Variants in CADM1 observed in about 807,000 individuals in gnomAD.
CADM1 encodes cell adhesion molecule 1.
CADM1 carries 15 observed loss-of-function variants against 53.1 expected under a neutral mutation model. That is an observed-to-expected ratio of 0.28 (90% confidence interval 0.19 to 0.44). The LOEUF is 0.44. CADM1 is among the 20% of genes least tolerant of loss of function. CADM1 has a pLI of 1.00. For synonymous variants in CADM1, 281 were observed against 243.0 expected, an observed-to-expected ratio of 1.16 and a Z score of -1.45; for missense variants, 434 against 611.3, an observed-to-expected ratio of 0.71 and a Z score of 3.06.
intron 4 of CADM1, among the ~76,000 whole-genome samples, chr11:115,229,620 G>A (rs911976754): frequency 6.6e-6 from 1 of 152,090 alleles, no homozygotes; most frequent in African/African-American, 2.4e-5. Context: ...AGGTATTCAG[G>A]AGGAGAAAAA....
intron 1 of CADM1, among the ~76,000 whole-genome samples, chr11:115,248,842 GT>G (rs1324223652): frequency 2.0e-5 from 3 of 152,188 alleles, no homozygotes; most frequent in African/African-American, 7.2e-5. Context: ...TCATTTGTTT[GT>G]GAGATGGCAT....
chr11:115,209,742 T>C, intron 7 of CADM1, 85 bp from the exon 8 acceptor site: 1 of 1,516,988 alleles, frequency 6.6e-7, no homozygotes, highest in Non-Finnish European at 9.0e-7. Context: ...CATGAGGACA[T>C]TGAGATGTTT....
intron 1 of CADM1, among the ~76,000 whole-genome samples, chr11:115,415,977 C>T (rs886513970): frequency 4.9e-4 from 75 of 152,136 alleles, no homozygotes; most frequent in African/African-American, 1.7e-3. Context: ...GTGCATCCTA[C>T]TCCTTTTGTG....
At chr11:115,304,167 T>C (rs1435293679) in intron 1 of CADM1, among the ~76,000 whole-genome samples, 1 of 152,076 alleles carries the variant, frequency 6.6e-6, no homozygotes, top group Non-Finnish European at 1.5e-5. Flanking sequence ...GAGTCTCAGA[T>C]TTTAAAAAAT....
chr11:115,474,570 C>T (rs1314768274), intron 1 of CADM1, among the ~76,000 whole-genome samples: 2 of 151,424 alleles, frequency 1.3e-5, no homozygotes, highest in Non-Finnish European at 2.9e-5. Context: ...AAGCTGGAAA[C>T]CATCATTCTC....
At chr11:115,200,284 C>T (rs1299455466) in intron 8 of CADM1, among the ~76,000 whole-genome samples, 1 of 152,196 alleles carries the variant, frequency 6.6e-6, no homozygotes, top group Non-Finnish European at 1.5e-5. Flanking sequence ...TCTCCTGACA[C>T]AGATGACACA....
chr11:115,340,642 A>ATG (rs1945408417), intron 1 of CADM1, among the ~76,000 whole-genome samples: 1 of 31,384 alleles, frequency 3.2e-5, no homozygotes, highest in Non-Finnish European at 7.3e-5. Context: ...ATATATATAT[A>ATG]TATATATATA....
chr11:115,412,588 C>T (rs577944826), intron 1 of CADM1, among the ~76,000 whole-genome samples: 2 of 152,272 alleles, frequency 1.3e-5, no homozygotes, highest in African/African-American at 4.8e-5. Flanking sequence ...AAATAAGGAA[C>T]TTAGTATAAG....
chr11:115,270,140 A>C (rs2135044534), intron 1 of CADM1, among the ~76,000 whole-genome samples: 1 of 152,314 alleles, frequency 6.6e-6, no homozygotes, highest in South Asian at 2.1e-4. Flanking sequence ...CGCTCTTTCC[A>C]ATTTAGACTT....
chr11:115,178,539 G>A (rs550200138), intron 11 of CADM1, 105 bp downstream of exon 11: 44 of 857,322 alleles, frequency 5.1e-5, no homozygotes, highest in South Asian at 1.7e-4. Context: ...CAGATAGGCC[G>A]TGTGGCCACA....
At chr11:115,482,123 C>T (rs1173366159) in intron 1 of CADM1, among the ~76,000 whole-genome samples, 1 of 152,166 alleles carries the variant, frequency 6.6e-6, no homozygotes, top group Non-Finnish European at 1.5e-5. Flanking sequence ...CATTATCTCT[C>T]TACCTGGAAA....
rs556950448 is a variant in CADM1 at position 115,268,948 on chromosome 11, T to C, written c.125-28528A>G. On this transcript the variant is annotated intron_variant, in intron 1 of 11. Coordinates refer to ENST00000331581, the MANE Select transcript of CADM1 (RefSeq NM_001301043.2). ...ACAGGTGGAACTTGACATCACCATA[T>C]TGCGCTCTTCTGGTTGGCTACGTGG... 1.3e-3 allele frequency among the ~76,000 whole-genome samples: 193 copies of C among 152,146 alleles called. 2 individuals carry two copies. Among genetic ancestry groups the C allele is most frequent in the African/African-American group, 4.6e-3 (189 of 41,492 alleles).
intron 1 of CADM1, among the ~76,000 whole-genome samples, chr11:115,480,353 G>C (rs1159874811): frequency 6.6e-6 from 1 of 152,094 alleles, no homozygotes; most frequent in African/African-American, 2.4e-5. Context: ...AGGTAGCAAG[G>C]GAACAACAAA....
In CADM1 at chr11:115,232,753, T is replaced by C. The variant is rs144663689; in HGVS notation, c.425-1263A>G. Among the ~76,000 whole-genome samples, 8 of 152,276 alleles carry C rather than the reference T, an allele frequency of 5.3e-5. No homozygotes were observed. The East Asian group carries it at 1.4e-3, about 26-fold the overall frequency. On this transcript the variant is annotated intron_variant, in intron 3 of 11. Coordinates refer to ENST00000331581, the MANE Select transcript of CADM1 (RefSeq NM_001301043.2). The stretch of plus-strand genomic sequence containing the variant: ...CAACCTTACCTCAGGACTGAGCCTG[T>C]TGAAATAAAAATCAGTAAGAATACT...
At chr11:115,189,984 G>A (rs1264630476) in intron 10 of CADM1, among the ~76,000 whole-genome samples, 1 of 152,162 alleles carries the variant, frequency 6.6e-6, no homozygotes, top group Non-Finnish European at 1.5e-5. Flanking sequence ...TTATAGTTAA[G>A]GACTGCACCT....
intron 1 of CADM1, among the ~76,000 whole-genome samples, chr11:115,389,946 G>A (rs1327189731): frequency 6.6e-6 from 1 of 152,150 alleles, no homozygotes; most frequent in Non-Finnish European, 1.5e-5. Context: ...AATCGAATCT[G>A]AGCTACTTGT....
intron 1 of CADM1, chr11:115,397,524 T>C (rs1172312449): frequency 6.6e-6 from 1 of 152,198 alleles, no homozygotes; most frequent in Non-Finnish European, 1.5e-5. Flanking sequence ...TGAAGATCAC[T>C]ATCAGTAAAA....
At chr11:115,374,631 C>T in intron 1 of CADM1, among the ~76,000 whole-genome samples, 1 of 152,160 alleles carries the variant, frequency 6.6e-6, no homozygotes. Flanking sequence ...ATGAAGTATT[C>T]TTACCCTTTA....
chr11:115,336,008 A>G (rs1367918248), intron 1 of CADM1, among the ~76,000 whole-genome samples: 1 of 152,134 alleles, frequency 6.6e-6, no homozygotes, highest in Non-Finnish European at 1.5e-5. Flanking sequence ...GTTTAACTCA[A>G]TCTCCCCAGT....
Sources: gnomAD v4.1 joint callset for allele counts (sites outside exome capture counted in the v4.1 genomes callset) on GRCh38, gnomAD v4.1.1 for gene constraint, MANE v1.5 for transcripts, NCBI Gene and HGNC (gene_info 2026-07-23, HGNC 2026-07-21) for gene names.